The following AGTPBP1 variants were observed in gnomAD, a reference collection of about 807,000 sequenced individuals.
The protein encoded by AGTPBP1 is ATP/GTP binding carboxypeptidase 1.
In AGTPBP1, 70 loss-of-function variants were observed where a neutral mutation model predicts 143.9. The ratio of observed to expected loss-of-function variants is 0.49; its 90% CI spans 0.40 to 0.59. The LOEUF (loss-of-function observed/expected upper bound fraction) is 0.59, where lower values mean the gene tolerates loss of function less well. Ranked by LOEUF, AGTPBP1 falls within the 20% of genes least tolerant of loss-of-function variation. AGTPBP1 has a pLI of 0.00. For missense variants in AGTPBP1, 1,229 were observed against 1,464.5 expected (o/e 0.84, Z 2.62); for synonymous variants, 463 against 500.2 (o/e 0.93, Z 0.99).
At chr9:85,795,606 G>A in the AGTPBP1 span, among the ~76,000 whole-genome samples, 3 of 152,182 alleles carry the variant, frequency 2.0e-5, no homozygotes, top group Middle Eastern at 3.2e-3. Flanking sequence ...GGCTCACAAA[G>A]TAAAGAGGAA....
Position 85,632,989 on chromosome 9 carries a change from G to A in AGTPBP1, c.1688C>T (p.Thr563Ile). 2 of 1,614,166 alleles carry A rather than the reference G, an allele frequency of 1.2e-6. No individual in the cohort carries two copies. The highest frequency in any genetic ancestry group is 2.2e-5 in the South Asian group (2 of 91,086). The change falls in exon 14 of 26, where the codon ACT becomes ATT. Residue 563 changes from threonine (T) to isoleucine (I), a missense_variant. Physicochemically the swap from Thr to Ile is moderately conservative, Grantham distance 89. Around this residue, in one of 2 missense-constraint regions of AGTPBP1, gnomAD observed 743 missense variants for 812.2 expected, o/e 0.91. Transcript: ENST00000357081. The stretch of plus-strand genomic sequence containing the variant: ...ACATGCTTTAGCACAGGTAAGGACA[G>A]TAAGAGGAAGACTGCAGTCCTTCTT... The part of the protein sequence containing the change: ...EMKKDCSLPL[T>I]VLTCAKACPH...
intron 11 of AGTPBP1, among the ~76,000 whole-genome samples, chr9:85,649,140 C>CA (rs1485125653): frequency 2.0e-5 from 3 of 152,104 alleles, no homozygotes; most frequent in Non-Finnish European, 4.4e-5. Context: ...TACTGATTTT[C>CA]AAAATGTCCT....
chr9:85,583,955 G>A (rs917966527), intron 23 of AGTPBP1, among the ~76,000 whole-genome samples: 2 of 150,686 alleles, frequency 1.3e-5, no homozygotes, highest in African/African-American at 4.9e-5. Context: ...ATCTGATTTC[G>A]TTTTGGGGAC....
the AGTPBP1 span, among the ~76,000 whole-genome samples, chr9:85,799,778 A>G: frequency 6.6e-6 from 1 of 152,118 alleles, no homozygotes; most frequent in African/African-American, 2.4e-5. Context: ...TCAGCCTCCT[A>G]AAGTGTTGGG....
intron 25 of AGTPBP1, among the ~76,000 whole-genome samples, chr9:85,551,798 G>GA (rs1290529936): frequency 6.6e-6 from 1 of 151,232 alleles, no homozygotes. Flanking sequence ...AACCTTCACT[G>GA]AAAAAAAAGA....
intron 2 of AGTPBP1, among the ~76,000 whole-genome samples, chr9:85,702,183 C>T (rs934942115): frequency 6.6e-6 from 1 of 152,186 alleles, no homozygotes; most frequent in African/African-American, 2.4e-5. Flanking sequence ...TTTCTTGATA[C>T]GTTTCTAAAA....
At chr9:85,575,553 A>G in intron 24 of AGTPBP1, 78 bp from the exon 25 acceptor site, 1 of 1,184,570 alleles carries the variant, frequency 8.4e-7, no homozygotes, top group African/African-American at 1.6e-5. Context: ...ATTATATAAA[A>G]AGAATTTATA....
At chr9:85,560,835 G>C (rs1188661950) in intron 25 of AGTPBP1, among the ~76,000 whole-genome samples, 5 of 152,118 alleles carry the variant, frequency 3.3e-5, no homozygotes, top group Non-Finnish European at 5.9e-5. Context: ...AAAAGACACA[G>C]AGGATATAGT....
chr9:85,585,394 A>G (rs1828539818), intron 23 of AGTPBP1, 69 bp downstream of exon 23: 2 of 1,390,462 alleles, frequency 1.4e-6, no homozygotes, highest in Non-Finnish European at 1.9e-6. Flanking sequence ...AGTAGTTCAT[A>G]TATGTTCTTT....
intron 19 of AGTPBP1, among the ~76,000 whole-genome samples, chr9:85,592,251 A>G (rs181893366): frequency 6.6e-6 from 1 of 152,018 alleles, no homozygotes; most frequent in Non-Finnish European, 1.5e-5. Context: ...AAATCATGTC[A>G]AAGTTTCTTA....
intron 23 of AGTPBP1, 134 bp from the exon 24 acceptor site, chr9:85,579,230 C>T: frequency 1.2e-6 from 1 of 814,214 alleles, no homozygotes; most frequent in Non-Finnish European, 1.8e-6. Flanking sequence ...ATATCCCTTG[C>T]CATTCAAACA....
At chr9:85,664,654 T>C (rs894652140) in intron 8 of AGTPBP1, among the ~76,000 whole-genome samples, 1 of 152,114 alleles carries the variant, frequency 6.6e-6, no homozygotes, top group South Asian at 2.1e-4. Context: ...AGTAAACCCC[T>C]CTTCCTATGG....
intron 18 of AGTPBP1, among the ~76,000 whole-genome samples, chr9:85,595,720 T>G (rs1441336108): frequency 3.9e-5 from 6 of 152,024 alleles, no homozygotes; most frequent in Non-Finnish European, 8.8e-5. Flanking sequence ...ACAGACAGGG[T>G]TTCACCATGT....
chr9:85,721,663 C>T (rs898746689), intron 1 of AGTPBP1, among the ~76,000 whole-genome samples: 4 of 152,070 alleles, frequency 2.6e-5, no homozygotes, highest in African/African-American at 9.7e-5. Context: ...GCATTTAGCC[C>T]ATTTACATTT....
intron 19 of AGTPBP1, 90 bp from the exon 20 acceptor site, chr9:85,589,771 G>C: frequency 3.2e-6 from 4 of 1,251,980 alleles, no homozygotes; most frequent in Non-Finnish European, 4.4e-6. Flanking sequence ...CACATAACTA[G>C]AAGTGAATCA....
At chr9:85,664,772 A>G (rs1834034955) in intron 8 of AGTPBP1, among the ~76,000 whole-genome samples, 1 of 152,184 alleles carries the variant, frequency 6.6e-6, no homozygotes, top group South Asian at 2.1e-4. Context: ...TCTGCTGATT[A>G]ATCATGTTAA....
chr9:85,713,999 C>A (rs574434975), intron 1 of AGTPBP1, among the ~76,000 whole-genome samples: 1 of 152,172 alleles, frequency 6.6e-6, no homozygotes, highest in Non-Finnish European at 1.5e-5. Flanking sequence ...ACTATTAATA[C>A]ACTAACAGCA....
the AGTPBP1 span, among the ~76,000 whole-genome samples, chr9:85,797,719 TA>T: frequency 6.0e-4 from 90 of 148,944 alleles, 1 homozygote; most frequent in Middle Eastern, 3.5e-3. Context: ...GCTGATGAGC[TA>T]AAAAAAAAAT....
chr9:85,786,322 A>G, the AGTPBP1 span: 2 of 1,611,772 alleles, frequency 1.2e-6, no homozygotes, highest in Non-Finnish European at 1.7e-6. Context: ...CAGTGGGCAT[A>G]TGTTAGGTAA....
Sources: gnomAD v4.1 joint callset for allele counts (sites outside exome capture counted in the v4.1 genomes callset) on GRCh38, gnomAD v4.1.1 for gene constraint, gnomAD v4.1.1 regional missense constraint, MANE v1.5 for transcripts, NCBI Gene and HGNC (gene_info 2026-07-23, HGNC 2026-07-21) for gene names.